The following KIAA1328 variants were observed in gnomAD, a reference collection of about 807,000 sequenced individuals.
The protein encoded by KIAA1328 is KIAA1328.
A neutral mutation model predicts 68.1 loss-of-function variants in KIAA1328; 52 were observed. The ratio of observed to expected loss-of-function variants is 0.76; its 90% CI spans 0.61 to 0.96. The LOEUF is 0.96. Ranked by LOEUF, KIAA1328 falls within the 40% of genes least tolerant of loss-of-function variation. KIAA1328 has a pLI of 0.00. For synonymous variants in KIAA1328, 232 were observed against 239.4 expected (o/e 0.97, Z 0.28); for missense variants, 641 against 677.6 (o/e 0.95, Z 0.60).
At chr18:37,207,540 A>C (rs2060238834) in intron 9 of KIAA1328, among the ~76,000 whole-genome samples, 1 of 152,204 alleles carries the variant, frequency 6.6e-6, no homozygotes. Flanking sequence ...GGTGTCACCC[A>C]ATAGTTGTAA....
intron 6 of KIAA1328, among the ~76,000 whole-genome samples, chr18:37,022,958 A>G (rs2054404344): frequency 6.6e-6 from 1 of 152,244 alleles, no homozygotes; most frequent in South Asian, 2.1e-4. Context: ...TACAGTAAAT[A>G]AGTAAACTCT....
rs1448117952 is a variant in KIAA1328, at chr18:36,887,847, T to C, written c.448+2175T>C. Among the ~76,000 whole-genome samples the C allele has an allele frequency of 2.0e-5, 3 of 151,974 alleles. No homozygotes were observed. In the East Asian group the frequency reaches 5.8e-4, roughly 29 times the overall value. ...CTTTAACCTTCCTGGGACAAAAAAA[T>C]CTATAGCATACAGTGGAATTGGGAT... On this transcript the variant is annotated intron_variant, in intron 5 of 9. Coordinates refer to ENST00000280020, the MANE Select transcript of KIAA1328 (RefSeq NM_020776.3).
chr18:37,045,946 A>G (rs1417167237), intron 6 of KIAA1328, among the ~76,000 whole-genome samples: 1 of 152,194 alleles, frequency 6.6e-6, no homozygotes, highest in Non-Finnish European at 1.5e-5. Flanking sequence ...GTGCAAGTCT[A>G]TGTGTTCACC....
chr18:37,096,522 C>G (rs1351061603), intron 7 of KIAA1328, among the ~76,000 whole-genome samples: 1 of 152,176 alleles, frequency 6.6e-6, no homozygotes, highest in Admixed American at 6.5e-5. Context: ...ATTGTGAATA[C>G]TGCCACAATA....
intron 7 of KIAA1328, among the ~76,000 whole-genome samples, chr18:37,110,679 C>A (rs1272585105): frequency 6.6e-6 from 1 of 152,200 alleles, no homozygotes; most frequent in East Asian, 1.9e-4. Context: ...GTGGAATTTT[C>A]TGGATAGATA....
intron 7 of KIAA1328, among the ~76,000 whole-genome samples, chr18:37,101,351 C>T (rs952916066): frequency 7.2e-5 from 11 of 151,964 alleles, no homozygotes; most frequent in African/African-American, 2.2e-4. Context: ...AACCATGGCA[C>T]GAGAACTACA....
chr18:37,212,184 A>G (rs1351582663), intron 9 of KIAA1328, among the ~76,000 whole-genome samples: 3 of 152,256 alleles, frequency 2.0e-5, no homozygotes, highest in Admixed American at 2.0e-4. Context: ...TCCTAGAAGC[A>G]GTACTCCAGT....
intron 5 of KIAA1328, among the ~76,000 whole-genome samples, chr18:36,890,309 T>C (rs1028871498): frequency 4.0e-5 from 6 of 151,754 alleles, no homozygotes; most frequent in Non-Finnish European, 1.5e-5. Context: ...AAATCAATGA[T>C]ATTATCTATG....
intron 5 of KIAA1328, among the ~76,000 whole-genome samples, chr18:36,948,551 C>A (rs1038415211): frequency 1.3e-5 from 2 of 149,328 alleles, no homozygotes; most frequent in African/African-American, 4.9e-5. Context: ...TTAGCCACCA[C>A]GCCTTTTTTT....
chr18:37,162,041 G>C (rs888002258), intron 8 of KIAA1328, among the ~76,000 whole-genome samples: 1 of 152,110 alleles, frequency 6.6e-6, no homozygotes, highest in African/African-American at 2.4e-5. Flanking sequence ...ACTAACAGGG[G>C]TTCAGAACCC....
chr18:37,076,504 A>G (rs930221140), intron 7 of KIAA1328, among the ~76,000 whole-genome samples: 1 of 151,944 alleles, frequency 6.6e-6, no homozygotes, highest in African/African-American at 2.4e-5. Flanking sequence ...TGAAGGAAAT[A>G]GAGACACAAA....
intron 7 of KIAA1328, among the ~76,000 whole-genome samples, chr18:37,107,127 A>G (rs536620911): frequency 1.3e-5 from 2 of 152,194 alleles, no homozygotes; most frequent in African/African-American, 2.4e-5. Flanking sequence ...CTGTAATCCC[A>G]GCTACTCAGG....
intron 4 of KIAA1328, among the ~76,000 whole-genome samples, chr18:36,879,994 G>A (rs778720487): frequency 7.2e-5 from 11 of 152,172 alleles, no homozygotes; most frequent in Non-Finnish European, 1.3e-4. Flanking sequence ...GCTGAGCAAG[G>A]TGACTCAGCT....
chr18:37,009,878 G>T (rs1444101053), intron 6 of KIAA1328, among the ~76,000 whole-genome samples: 1 of 152,102 alleles, frequency 6.6e-6, no homozygotes, highest in Non-Finnish European at 1.5e-5. Context: ...TACCTAATTT[G>T]TTTAAGCCAA....
At position 37,023,879 on chromosome 18, in the gene KIAA1328, G is replaced by A. The variant is rs190454235; in HGVS notation, c.577-43011G>A. Among the ~76,000 whole-genome samples, 221 of 152,282 alleles carry A rather than the reference G, an allele frequency of 1.5e-3. 1 individual carries two copies. Among genetic ancestry groups the A allele is most frequent in the East Asian group, 6.6e-3 (34 of 5,188 alleles). Reference sequence around the variant, plus strand: ...CATGGGTAAATTGTATGTAATGGGGGTTTGGTGTACAGATTATTTTGTCAC... The same window carrying A: ...CATGGGTAAATTGTATGTAATGGGGATTTGGTGTACAGATTATTTTGTCAC... On this transcript the variant is annotated intron_variant, in intron 6 of 9. Coordinates refer to ENST00000280020, the MANE Select transcript of KIAA1328 (RefSeq NM_020776.3).
intron 5 of KIAA1328, among the ~76,000 whole-genome samples, chr18:36,899,717 A>C (rs2048975941): frequency 6.6e-6 from 1 of 151,998 alleles, no homozygotes; most frequent in Non-Finnish European, 1.5e-5. Flanking sequence ...GGATCAGTTA[A>C]ATTACATATG....
chr18:37,180,236 G>A (rs1380100029), intron 9 of KIAA1328, among the ~76,000 whole-genome samples: 4 of 152,158 alleles, frequency 2.6e-5, no homozygotes, highest in African/African-American at 7.2e-5. Flanking sequence ...TCACAATCCT[G>A]TGAGGTAAGG....
rs544034394 is a variant in KIAA1328, at chr18:36,914,522, C to T, written c.448+28850C>T. Among the ~76,000 whole-genome samples the T allele has an allele frequency of 2.0e-5, 3 of 152,148 alleles. No homozygotes were observed. The South Asian group carries it at 6.2e-4, about 32-fold the overall frequency. On this transcript the variant is annotated intron_variant, in intron 5 of 9. Coordinates refer to ENST00000280020, the MANE Select transcript of KIAA1328 (RefSeq NM_020776.3). ...GGATCACAAGGTCAGGAGTTCAAGA[C>T]CAGCTTGGCCAACATGGTGAAATCC...
chr18:36,894,932 A>G (rs1015422853), intron 5 of KIAA1328, among the ~76,000 whole-genome samples: 7 of 152,244 alleles, frequency 4.6e-5, no homozygotes, highest in African/African-American at 1.7e-4. Context: ...CAAGCCCTCC[A>G]TTACTAGTGT....
Sources: allele counts gnomAD v4.1 joint callset (sites outside exome capture counted in the v4.1 genomes callset), GRCh38; gene constraint gnomAD v4.1.1; transcripts MANE v1.5; gene names NCBI Gene and HGNC (gene_info 2026-07-23, HGNC 2026-07-21).